IFT46: variants seen among roughly 807,000 people sequenced by gnomAD.
The protein encoded by IFT46 is intraflagellar transport 46.
In IFT46, 19 loss-of-function variants were observed where a neutral mutation model predicts 39.6. That is an observed-to-expected ratio of 0.48 (90% CI 0.33 to 0.70). IFT46 has a LOEUF of 0.70. Ranked by LOEUF, IFT46 falls within the 30% of genes least tolerant of loss-of-function variation. The probability of loss-of-function intolerance (pLI) is 0.01; values close to 1 mark genes in which losing one functional copy is unlikely to be tolerated. For missense variants in IFT46, 334 were observed against 364.8 expected (o/e 0.92, Z 0.69); for synonymous variants, 117 against 134.8 (o/e 0.87, Z 0.91).
chr11:118,572,428 C>G (rs1464209753), intron 1 of IFT46: 3 of 931,106 alleles, frequency 3.2e-6, no homozygotes, highest in East Asian at 4.9e-5. Flanking sequence ...AGAGGCGAAG[C>G]GGCAGCGGTT....
chr11:118,576,846 CAT>C (rs1241407714), upstream of IFT46, among the ~76,000 whole-genome samples: 20 of 152,116 alleles, frequency 1.3e-4, no homozygotes, highest in African/African-American at 4.1e-4. Flanking sequence ...CAAAGAGAGA[CAT>C]ATGATTTTAC....
Position 118,555,073 on chromosome 11 carries a change from GAGGTGTGTACCT to G in IFT46, c.261-2_270del, listed in dbSNP as rs782307012. The G allele has an allele frequency of 6.2e-7, 1 of 1,612,928 alleles. No homozygotes were observed. The highest frequency in any genetic ancestry group is 8.5e-7 in the Non-Finnish European group (1 of 1,178,892). On this transcript the variant is annotated splice_acceptor_variant and coding_sequence_variant, in exon 6 of 12. Coordinates refer to ENST00000264021, the MANE Select transcript of IFT46 (RefSeq NM_001168618.2). LOFTEE classifies it high-confidence loss of function. ...AGTTTGTGGTCCAGGTCAATCAACT[GAGGTGTGTACCT>G]AGGAGATATTGCCAAGGGAAGGTGG...
intron 2 of IFT46, among the ~76,000 whole-genome samples, chr11:118,564,643 G>C (rs1049843575): frequency 4.6e-5 from 7 of 152,052 alleles, no homozygotes; most frequent in African/African-American, 1.7e-4. Flanking sequence ...AGGCTAAGGG[G>C]AGGTTATGAA....
chr11:118,557,076 TTCAAGTAAAAAAA>T, intron 3 of IFT46, 31 bp from the exon 4 acceptor site: 1 of 1,536,048 alleles, frequency 6.5e-7, no homozygotes, highest in Admixed American at 2.1e-5. Flanking sequence ...CATAGAAAGC[TTCAAGTAAAAAAA>T]TCAAATGTAC....
chr11:118,553,700 T>A (rs1235232911), intron 7 of IFT46, among the ~76,000 whole-genome samples: 1 of 152,166 alleles, frequency 6.6e-6, no homozygotes, highest in East Asian at 1.9e-4. Flanking sequence ...CAAAAACTTG[T>A]ATACAAATAT....
chr11:118,544,767 C>A lies in IFT46; in HGVS notation c.*149G>T. ...GTTCATTAAACAAACATGTTCTGTG[C>A]CCTCTGGCAGAGAGGGCAGCAGGAC... is the stretch of plus-strand genomic sequence containing the variant. On this transcript the variant is annotated 3_prime_UTR_variant, in exon 12 of 12. Coordinates refer to ENST00000264021, the MANE Select transcript of IFT46 (RefSeq NM_001168618.2). The A allele has an allele frequency of 1.6e-6, 1 of 628,404 alleles. No individual in the cohort carries two copies. Among genetic ancestry groups the A allele is most frequent in the East Asian group, 2.8e-5 (1 of 36,232 alleles). The allele number at this position is 628,404 out of a possible 1,614,324, so 38.9% of individuals were successfully genotyped here. A position where few individuals can be genotyped will look rare whatever the true frequency, so the allele number is the denominator to read the frequency against.
chr11:118,572,479 C>T lies in IFT46; in HGVS notation c.-133+117G>A, dbSNP rs541171787. 8 of 1,566,158 alleles carry T rather than the reference C, an allele frequency of 5.1e-6. No individual in the cohort carries two copies. In the South Asian group the frequency reaches 8.0e-5, roughly 16 times the overall value. ...GCAGGTCCAGAGCTGCTGGTGCTCC[C>T]GTTCCCCAGACCCTACCCCTATCCC... is the stretch of plus-strand genomic sequence containing the variant. On this transcript the variant is annotated intron_variant, in intron 1 of 5. Transcript: ENST00000528378.
intron 2 of IFT46, among the ~76,000 whole-genome samples, chr11:118,562,267 A>G (rs1938084121): frequency 6.6e-6 from 1 of 150,830 alleles, no homozygotes; most frequent in Non-Finnish European, 1.5e-5. Context: ...ACAGAGCAAG[A>G]CTCCATCTCA....
chr11:118,560,856 C>T, intron 2 of IFT46: 1 of 763,214 alleles, frequency 1.3e-6, no homozygotes. Context: ...GTTCGTGTAA[C>T]AAACAGAGAT....
intron 2 of IFT46, chr11:118,560,230 T>C (rs1937993417): frequency 5.6e-6 from 1 of 178,442 alleles, no homozygotes; most frequent in African/African-American, 2.4e-5. Flanking sequence ...CTGGACAATA[T>C]GGCAAGATCC....
Position 118,561,616 on chromosome 11 carries a change from G to C in IFT46, c.-35-1752C>G, listed in dbSNP as rs1784850. The C allele has an allele frequency of 7.8e-6, 4 of 513,314 alleles. No individual in the cohort carries two copies. In the East Asian group the frequency reaches 1.3e-4, roughly 17 times the overall value. The allele number at this position is 513,314 out of a possible 1,614,324, so 31.8% of individuals were successfully genotyped here. ...TTTCTATAAAGATTTTTCAGATAAAGACGATAAACATATGGACAGAAAAAA... is the reference window on the plus strand; with the variant it reads ...TTTCTATAAAGATTTTTCAGATAAACACGATAAACATATGGACAGAAAAAA... On this transcript the variant is annotated intron_variant, in intron 2 of 11. Coordinates refer to ENST00000264021, the MANE Select transcript of IFT46 (RefSeq NM_001168618.2).
chr11:118,548,141 C>A (rs1376316453), intron 9 of IFT46, among the ~76,000 whole-genome samples: 1 of 150,650 alleles, frequency 6.6e-6, no homozygotes, highest in Non-Finnish European at 1.5e-5. Context: ...CCTCAGCCTC[C>A]CAAAGTGCTG....
intron 2 of IFT46, chr11:118,561,684 A>C: frequency 3.4e-6 from 1 of 292,662 alleles, no homozygotes; most frequent in Non-Finnish European, 6.5e-6. Context: ...CCACCTCTAA[A>C]TGGGGTCACT....
At chr11:118,558,885 C>A (rs1937930778) in intron 3 of IFT46, among the ~76,000 whole-genome samples, 1 of 150,054 alleles carries the variant, frequency 6.7e-6, no homozygotes, top group Non-Finnish European at 1.5e-5. Flanking sequence ...TGCACTCCAG[C>A]CTGGGTGAAA....
At chr11:118,572,724 G>A (rs1311448087) in exon 1 of IFT46, 3 of 667,350 alleles carry the variant, frequency 4.5e-6, no homozygotes, top group Non-Finnish European at 7.4e-6. Flanking sequence ...CTGGAGATCC[G>A]ATGGAGCTGA....
chr11:118,552,340 G>C lies in IFT46; in HGVS notation c.484-5C>G. On this transcript the variant is annotated splice_polypyrimidine_tract_variant and splice_region_variant and intron_variant, in intron 7 of 11. Transcript: ENST00000264021. ...GCTTTTTACTTTCATATGTTGCTAGGAAAGTAAGGAGAAAGCCTAGCTGAT... is the reference window on the plus strand; with the variant it reads ...GCTTTTTACTTTCATATGTTGCTAGCAAAGTAAGGAGAAAGCCTAGCTGAT... 1 of 1,613,974 alleles carries C rather than the reference G, an allele frequency of 6.2e-7. No homozygotes were observed. The highest frequency in any genetic ancestry group is 8.5e-7 in the Non-Finnish European group (1 of 1,179,960).
upstream of IFT46, chr11:118,565,966 C>T (rs1441333230): frequency 6.6e-6 from 1 of 152,244 alleles, no homozygotes; most frequent in South Asian, 2.1e-4. Context: ...CTTCCACTCT[C>T]GTGAGACCTC....
chr11:118,558,847 G>T (rs1264152023), intron 3 of IFT46, among the ~76,000 whole-genome samples: 1 of 151,508 alleles, frequency 6.6e-6, no homozygotes, highest in African/African-American at 2.4e-5. Flanking sequence ...GAACCCAAGA[G>T]GCAGAGGTTG....
At chr11:118,568,773 C>T (rs1591375063), upstream of IFT46, among the ~76,000 whole-genome samples, 2 of 151,488 alleles carry the variant, frequency 1.3e-5, no homozygotes, top group East Asian at 4.0e-4. Context: ...TCAAGCGATT[C>T]TCCCACCGAG....
Sources: gnomAD v4.1 joint callset for allele counts (sites outside exome capture counted in the v4.1 genomes callset) on GRCh38, gnomAD v4.1.1 for gene constraint, MANE v1.5 for transcripts, NCBI Gene and HGNC (gene_info 2026-07-23, HGNC 2026-07-21) for gene names.